Variants in ZEB2 observed in about 807,000 individuals in gnomAD.
The protein encoded by ZEB2 is zinc finger E-box binding homeobox 2, also known as zinc finger E-box-binding homeobox 2.
Under a neutral mutation model 99.9 loss-of-function variants are expected in ZEB2, and 6 were observed. The observed-to-expected ratio is 0.06, with a 90% confidence interval of 0.03 to 0.12. The LOEUF is 0.12. ZEB2 is among the 10% of genes least tolerant of loss of function. The pLI is 1.00. For synonymous variants in ZEB2, 517 were observed against 542.5 expected, an observed-to-expected ratio of 0.95 and a Z score of 0.65; for missense variants, 969 against 1,502.8, an observed-to-expected ratio of 0.64 and a Z score of 5.87.
chr2:144,440,503 ATATATATATATAT>A (rs1254503345), intron 2 of ZEB2, among the ~76,000 whole-genome samples: 2 of 39,076 alleles, frequency 5.1e-5, no homozygotes, highest in African/African-American at 2.5e-4. Flanking sequence ...ATATATATAT[ATATATATATATAT>A]TTTTTTTTTT....
intron 2 of ZEB2, among the ~76,000 whole-genome samples, chr2:144,493,535 T>C (rs1269132197): frequency 1.3e-5 from 2 of 152,098 alleles, no homozygotes; most frequent in Non-Finnish European, 1.5e-5. Flanking sequence ...TTATATCGAG[T>C]GTCTGGCCTC....
chr2:144,429,676 A>G (rs1703740792), intron 3 of ZEB2, 93 bp downstream of exon 3: 11 of 1,594,034 alleles, frequency 6.9e-6, no homozygotes, highest in Admixed American at 3.3e-5. Flanking sequence ...AAATATTTTA[A>G]TTATTTGGTT....
chr2:144,399,459 G>A lies in ZEB2; in HGVS notation c.1728C>T (p.Asn576=), dbSNP rs1041704975. 29 of 1,614,062 alleles carry A rather than the reference G, an allele frequency of 1.8e-5. No individual in the cohort carries two copies. Among genetic ancestry groups the A allele is most frequent in the Non-Finnish European group, 2.5e-5 (29 of 1,180,032 alleles). The change falls in exon 8 of 10, where the codon AAC becomes AAT. Residue 576 remains asparagine (N), a synonymous_variant. Transcript: ENST00000627532. This position sits in a 1 kb window ranked among gnomAD's most constrained non-coding sequence, Gnocchi z 5.6. ...VTDDKMIENH[N]ISTPFSCQFC... ...ACTGGCATGAAAATGGAGTGGATAT[G>A]TTGTGGTTCTCAATCATTTTGTCAT...
chr2:144,391,622 G>A (rs1222387588), intron 9 of ZEB2, among the ~76,000 whole-genome samples: 1 of 152,222 alleles, frequency 6.6e-6, no homozygotes, highest in Non-Finnish European at 1.5e-5. Flanking sequence ...ACCGTGGTAG[G>A]AAGGTAATTT....
intron 2 of ZEB2, among the ~76,000 whole-genome samples, chr2:144,502,963 TCTGA>T (rs1310366198): frequency 1.3e-5 from 2 of 152,204 alleles, no homozygotes; most frequent in Admixed American, 6.5e-5. Flanking sequence ...AAAAGTCTAC[TCTGA>T]CTGCACTGAG....
At chr2:144,480,119 A>C (rs1346343033) in intron 2 of ZEB2, among the ~76,000 whole-genome samples, 7 of 152,198 alleles carry the variant, frequency 4.6e-5, no homozygotes, top group Non-Finnish European at 8.8e-5. Context: ...TAGTTGACTA[A>C]ATAAATGCAA....
intron 2 of ZEB2, among the ~76,000 whole-genome samples, chr2:144,436,435 T>C (rs1287373802): frequency 2.0e-5 from 3 of 152,110 alleles, no homozygotes; most frequent in Non-Finnish European, 4.4e-5. Context: ...ATGTTTCCAT[T>C]TCAGATTAGC....
chr2:144,449,157 C>T (rs944238439), intron 2 of ZEB2, among the ~76,000 whole-genome samples: 4 of 152,134 alleles, frequency 2.6e-5, no homozygotes, highest in Non-Finnish European at 5.9e-5. Context: ...TTGGCCTGGC[C>T]GGCAGCATCT....
intron 2 of ZEB2, among the ~76,000 whole-genome samples, chr2:144,442,538 A>AT (rs1436302037): frequency 6.6e-6 from 1 of 152,088 alleles, no homozygotes; most frequent in Non-Finnish European, 1.5e-5. Flanking sequence ...TTCTTCAAAT[A>AT]TTTTTTGCAA....
chr2:144,477,438 T>C (rs1704446128), intron 2 of ZEB2, among the ~76,000 whole-genome samples: 1 of 152,236 alleles, frequency 6.6e-6, no homozygotes, highest in Non-Finnish European at 1.5e-5. Flanking sequence ...ACCCCTTTAC[T>C]GTAATCTCTG....
intron 2 of ZEB2, among the ~76,000 whole-genome samples, chr2:144,488,976 C>T (rs1465840245): frequency 6.6e-6 from 1 of 152,114 alleles, no homozygotes; most frequent in Non-Finnish European, 1.5e-5. Flanking sequence ...TTTGCACATA[C>T]TGGGTACTCA....
At position 144,517,254 on chromosome 2, in the gene ZEB2, AGTTTG is replaced by A. The variant is rs1560661350; in HGVS notation, c.73+19_73+23del. On this transcript the variant is annotated intron_variant, in intron 2 of 9. Transcript: ENST00000627532. ...CTCGAGCCGCGTAGTGGCCCGGAAA[AGTTTG>A]GTTCGGGCTGCTTCTTACCGTTTTT... is the stretch of plus-strand genomic sequence containing the variant. The A allele has an allele frequency of 6.2e-7, 1 of 1,612,822 alleles. No homozygotes were observed. The highest frequency in any genetic ancestry group is 1.7e-5 in the Admixed American group (1 of 59,982).
At chr2:144,443,745 C>T (rs1035212266) in intron 2 of ZEB2, among the ~76,000 whole-genome samples, 5 of 152,002 alleles carry the variant, frequency 3.3e-5, no homozygotes, top group Admixed American at 6.6e-5. Context: ...TTTCACTTTT[C>T]GCTCCCCACC....
In ZEB2 at chr2:144,453,091, G is replaced by A. The variant is rs141373265; in HGVS notation, c.74-23065C>T. Among the ~76,000 whole-genome samples, 76 of 152,138 alleles carry A rather than the reference G, an allele frequency of 5.0e-4. No homozygotes were observed. In the South Asian group the frequency reaches 0.012, roughly 25 times the overall value. On this transcript the variant is annotated intron_variant, in intron 2 of 9. Transcript: ENST00000627532. ...TTTCCTTATCATCTGGCATGCTAAC[G>A]GCGCAGTCATCAAAACAAACAATCT...
At chr2:144,458,954 T>C (rs1489673315) in intron 2 of ZEB2, among the ~76,000 whole-genome samples, 7 of 152,194 alleles carry the variant, frequency 4.6e-5, no homozygotes, top group Admixed American at 4.6e-4. Context: ...TCTTGCAATA[T>C]TTTTTGAATG....
At chr2:144,511,348 C>A in intron 2 of ZEB2, 1 of 1,133,154 alleles carries the variant, frequency 8.8e-7, no homozygotes. Flanking sequence ...AGACAAAACA[C>A]ACACATGCAC....
At chr2:144,446,396 C>T (rs1166983406) in intron 2 of ZEB2, among the ~76,000 whole-genome samples, 1 of 151,944 alleles carries the variant, frequency 6.6e-6, no homozygotes, top group Admixed American at 6.6e-5. Flanking sequence ...TTCCTTCCTT[C>T]CCTCCTTCTT....
At chr2:144,435,117 G>C (rs1703819605) in intron 2 of ZEB2, among the ~76,000 whole-genome samples, 1 of 152,100 alleles carries the variant, frequency 6.6e-6, no homozygotes, top group Admixed American at 6.6e-5. Context: ...TGGCTACGAG[G>C]AAAAAGGAAG....
chr2:144,463,853 C>T (rs191739664), intron 2 of ZEB2: 3,088 of 144,510 alleles, frequency 0.021, 47 homozygotes, highest in Non-Finnish European at 0.032. Context: ...AAACAAAAAA[C>T]AAAAAACAAA....
Sources: gnomAD v4.1 joint callset for allele counts (sites outside exome capture counted in the v4.1 genomes callset) on GRCh38, gnomAD v4.1.1 for gene constraint, Gnocchi (gnomAD v3.1) non-coding constraint, MANE v1.5 for transcripts, NCBI Gene and HGNC (gene_info 2026-07-23, HGNC 2026-07-21) for gene names.